The following SDSL variants were observed in gnomAD, a reference collection of about 807,000 sequenced individuals.
SDSL encodes the protein serine dehydratase-like.
A neutral mutation model predicts 27.6 loss-of-function variants in SDSL; 26 were observed. The observed-to-expected ratio is 0.94, with a 90% CI of 0.69 to 1.31. The LOEUF (loss-of-function observed/expected upper bound fraction) is 1.31, where lower values mean the gene tolerates loss of function less well. Among genes scored for constraint, SDSL ranks in the 50% most tolerant of loss-of-function variants. The probability of loss-of-function intolerance (pLI) is 0.00; values close to 1 mark genes in which losing one functional copy is unlikely to be tolerated. For missense variants in SDSL, 431 were observed against 423.5 expected (o/e 1.02, Z -0.16); for synonymous variants, 196 against 180.6 (o/e 1.09, Z -0.69).
At chr12:113,432,294 CTCTCTCTCTTTCTG>C (rs1957943209) in intron 4 of SDSL, among the ~76,000 whole-genome samples, 1 of 139,724 alleles carries the variant, frequency 7.2e-6, no homozygotes, top group African/African-American at 2.9e-5. Flanking sequence ...CTTTCTTTCT[CTCTCTCTCTTTCTG>C]TCTCTCTGTC....
chr12:113,432,264 CTTTCTTTCTTTCTTTCTTTCTTTCTT>C (rs1565879136), intron 4 of SDSL, among the ~76,000 whole-genome samples: 33 of 133,124 alleles, frequency 2.5e-4, no homozygotes, highest in African/African-American at 7.7e-4. Flanking sequence ...TTCTTTCTTT[CTTTCTTTCTTTCTTTCTTTCTTTCTT>C]TCTCTCTCTC....
chr12:113,429,944 T>C (rs891581158), intron 4 of SDSL, among the ~76,000 whole-genome samples: 5 of 151,532 alleles, frequency 3.3e-5, no homozygotes, highest in Admixed American at 6.6e-5. Context: ...CTTTCCTTCC[T>C]TCATTATTTC....
intron 3 of SDSL, 68 bp from the exon 4 acceptor site, chr12:113,429,092 G>C: frequency 6.4e-7 from 1 of 1,551,440 alleles, no homozygotes; most frequent in South Asian, 1.2e-5. Flanking sequence ...GGGATATGGA[G>C]GGGGAGGGGA....
At position 113,436,885 on chromosome 12, in the gene SDSL, C is replaced by T; in HGVS notation, c.796+10C>T. The stretch of plus-strand genomic sequence containing the variant: ...GTGCAGCAGCTCCTGGGTGAGTGAT[C>T]CCTGTCCTCCACCTGGGCTCAGAGA... On this transcript the variant is annotated intron_variant, in intron 7 of 7. Coordinates refer to ENST00000403593, the MANE Select transcript of SDSL (RefSeq NM_001304993.2). 6.4e-7 allele frequency: 1 copy of T among 1,571,454 alleles called. No individual in the cohort carries two copies. Among genetic ancestry groups the T allele is most frequent in the Non-Finnish European group, 8.6e-7 (1 of 1,161,888 alleles).
chr12:113,434,339 G>A, intron 5 of SDSL, 117 bp downstream of exon 5: 1 of 750,962 alleles, frequency 1.3e-6, no homozygotes, highest in Non-Finnish European at 2.1e-6. Flanking sequence ...AGGCTTCAAA[G>A]CCAGGCAGAC....
intron 6 of SDSL, 69 bp from the exon 7 acceptor site, chr12:113,436,682 G>C: frequency 6.9e-7 from 1 of 1,454,622 alleles, no homozygotes; most frequent in Non-Finnish European, 9.1e-7. Context: ...TGGGGCTGGG[G>C]AGAGACCTGT....
chr12:113,434,200 C>G lies in SDSL; in HGVS notation c.421C>G (p.Pro141Ala). The change falls in exon 5 of 8, where the codon CCG (proline) becomes GCG (alanine). Residue 141 changes from proline (P) to alanine (A), a missense_variant. Coordinates refer to ENST00000403593, the MANE Select transcript of SDSL (RefSeq NM_001304993.2). ...GAGGGACGGCTGGGAGAATGTCCCC[C>G]CGTTTGACCACCCCCTAATATGGTA... ...AKRDGWENVP[P>A]FDHPLIWKGH... 6.2e-7 allele frequency: 1 copy of G among 1,613,394 alleles called. No homozygotes were observed. Among genetic ancestry groups the G allele is most frequent in the Non-Finnish European group, 8.5e-7 (1 of 1,179,588 alleles).
chr12:113,436,844 C>T lies in SDSL; in HGVS notation c.765C>T (p.Thr255=), dbSNP rs191280694. ...TTCACTCTGAAGTGGTGGAGGACAC[C>T]GAGGCTGTGAGCGCTGTGCAGCAGC... ...CKIHSEVVED[T]EAVSAVQQLL... is the part of the protein sequence containing the mutation. The change falls in exon 7 of 8, where the codon ACC becomes ACT. Residue 255 remains threonine (T), a synonymous_variant. Transcript: ENST00000403593. 972 of 1,610,872 alleles carry T rather than the reference C, an allele frequency of 6.0e-4. 12 individuals carry two copies. The South Asian group carries it at 9.3e-3, about 15-fold the overall frequency.
At chr12:113,435,679 C>A in intron 6 of SDSL, 123 bp downstream of exon 6, 1 of 724,182 alleles carries the variant, frequency 1.4e-6, no homozygotes, top group Non-Finnish European at 2.3e-6. Context: ...CCTGGGACTC[C>A]AACCACAGTA....
rs373862159 is a variant in SDSL at position 113,433,773 on chromosome 12, A to G, written c.355-361A>G. Among the ~76,000 whole-genome samples the G allele has an allele frequency of 3.9e-5, 6 of 152,220 alleles. No individual in the cohort carries two copies. The East Asian group carries it at 9.7e-4, about 24-fold the overall frequency. ...CACACTCTATGGTGACCAAGTTGCT[A>G]TCTGGTGTTTGACTTTAGGGGGCTT... On this transcript the variant is annotated intron_variant, in intron 4 of 7. Transcript: ENST00000403593.
At chr12:113,422,557 T>A (rs181418597) in intron 1 of SDSL, 80 bp downstream of exon 1, 1 of 152,494 alleles carries the variant, frequency 6.6e-6, no homozygotes, top group Non-Finnish European at 1.5e-5. Context: ...CTGCAGGAGT[T>A]TGGGAGGCTT....
At chr12:113,426,280 T>A in intron 1 of SDSL, 1 of 455,846 alleles carries the variant, frequency 2.2e-6, no homozygotes, top group Middle Eastern at 3.3e-4. Context: ...CATTTCAAAG[T>A]TCCCCTTTCA....
At chr12:113,429,742 A>G (rs1177636552) in intron 4 of SDSL, among the ~76,000 whole-genome samples, 6 of 152,194 alleles carry the variant, frequency 3.9e-5, no homozygotes, top group Non-Finnish European at 7.3e-5. Flanking sequence ...AAAGAAATAG[A>G]GACACAGATA....
intron 1 of SDSL, chr12:113,426,073 A>G (rs1306189219): frequency 4.7e-6 from 2 of 428,876 alleles, no homozygotes; most frequent in Non-Finnish European, 9.5e-6. Context: ...TTGAATAACA[A>G]CCAAACTCCT....
chr12:113,425,245 G>A (rs1264235365), intron 1 of SDSL, among the ~76,000 whole-genome samples: 1 of 152,116 alleles, frequency 6.6e-6, no homozygotes, highest in African/African-American at 2.4e-5. Context: ...CCTAGGCTGG[G>A]GTATGCGGCA....
At chr12:113,428,771 T>C (rs998861105) in intron 3 of SDSL, among the ~76,000 whole-genome samples, 7 of 152,110 alleles carry the variant, frequency 4.6e-5, no homozygotes, top group African/African-American at 1.7e-4. Context: ...TTCTCTGGAC[T>C]TTGCTTTCCT....
Position 113,434,297 on chromosome 12 carries a change from A to AG in SDSL, c.443+76dup, listed in dbSNP as rs1957965194. ...CTGAGTCAGGGTCCTCCCATTGGGC[A>AG]GAAGGAGAAACTGAGGCCCAGAGGG... On this transcript the variant is annotated intron_variant, in intron 5 of 7. Coordinates refer to ENST00000403593, the MANE Select transcript of SDSL (RefSeq NM_001304993.2). 5.9e-6 allele frequency: 7 copies of AG among 1,182,236 alleles called. No homozygotes were observed. The East Asian group carries it at 1.7e-4, about 29-fold the overall frequency. The allele number at this position is 1,182,236 out of a possible 1,614,324, so 73.2% of individuals were successfully genotyped here.
chr12:113,431,609 T>C (rs1215203324), intron 4 of SDSL, among the ~76,000 whole-genome samples: 2 of 151,806 alleles, frequency 1.3e-5, no homozygotes, highest in Non-Finnish European at 2.9e-5. Context: ...AGTCTTATTC[T>C]GTCGCCCAGG....
chr12:113,436,778 G>C lies in SDSL; in HGVS notation c.699G>C (p.Thr233=), dbSNP rs200069926. Residue 233 remains threonine, a synonymous_variant, in exon 7 of 8, where the codon ACG becomes ACC. Transcript: ENST00000403593. ...TSVAKSLGAK[T]VAARALECMQ... Reference sequence around the variant, plus strand: ...TGGCCAAGAGCCTGGGTGCCAAGACGGTGGCCGCTCGGGCCCTGGAGTGCA... The same window carrying C: ...TGGCCAAGAGCCTGGGTGCCAAGACCGTGGCCGCTCGGGCCCTGGAGTGCA... 1 of 1,610,300 alleles carries C rather than the reference G, an allele frequency of 6.2e-7. No homozygotes were observed.
Sources: gnomAD v4.1 joint callset for allele counts (sites outside exome capture counted in the v4.1 genomes callset) on GRCh38, gnomAD v4.1.1 for gene constraint, MANE v1.5 for transcripts, NCBI Gene and HGNC (gene_info 2026-07-23, HGNC 2026-07-21) for gene names.